AVEN: variants seen among roughly 807,000 people sequenced by gnomAD.
AVEN encodes cell death regulator Aven.
Under a neutral mutation model 38.1 loss-of-function variants are expected in AVEN, and 41 were observed. That is an observed-to-expected ratio of 1.08 (90% confidence interval 0.84 to 1.40). The LOEUF is 1.40. Among genes scored for constraint, AVEN ranks in the 40% most tolerant of loss-of-function variants. The pLI is 0.00. For synonymous variants in AVEN, 206 were observed against 171.8 expected, an observed-to-expected ratio of 1.20 and a Z score of -1.56; for missense variants, 605 against 438.8, an observed-to-expected ratio of 1.38 and a Z score of -3.38.
At chr15:33,980,781 C>A (rs1896103474) in intron 2 of AVEN, among the ~76,000 whole-genome samples, 1 of 152,118 alleles carries the variant, frequency 6.6e-6, no homozygotes, top group African/African-American at 2.4e-5. Flanking sequence ...AACTAGTTCC[C>A]AAATCCCATG....
At chr15:33,914,257 C>T (rs1238411647) in intron 2 of AVEN, among the ~76,000 whole-genome samples, 1 of 151,870 alleles carries the variant, frequency 6.6e-6, no homozygotes, top group Non-Finnish European at 1.5e-5. Context: ...CAGCTAGGAA[C>T]ACACTGAAAA....
At chr15:34,060,584 A>G (rs1191207550) in intron 5 of AVEN, among the ~76,000 whole-genome samples, 1 of 152,214 alleles carries the variant, frequency 6.6e-6, no homozygotes, top group African/African-American at 2.4e-5. Flanking sequence ...AGGGTCATCA[A>G]AAAGATTTTC....
intron 2 of AVEN, among the ~76,000 whole-genome samples, chr15:33,935,719 G>C (rs1894035327): frequency 6.6e-6 from 1 of 152,148 alleles, no homozygotes. Flanking sequence ...GGAAAGTAGA[G>C]ATTGAGGCAG....
chr15:34,025,416 G>C (rs1386409589), intron 1 of AVEN, among the ~76,000 whole-genome samples: 2 of 152,170 alleles, frequency 1.3e-5, no homozygotes, highest in African/African-American at 2.4e-5. Context: ...CCCAGCCACA[G>C]GAACAATCAG....
chr15:33,859,595 C>T lies in AVEN; in HGVS notation n.2730-501G>A, dbSNP rs371505693. 308 of 1,613,934 alleles carry T rather than the reference C, an allele frequency of 1.9e-4. 1 individual carries two copies. In the South Asian group the frequency reaches 2.4e-3, roughly 12 times the overall value. On this transcript the variant is annotated intron_variant and non_coding_transcript_variant, in intron 11 of 11. Coordinates refer to the AVEN transcript ENST00000675287. ...TCTAGTGTTACCTTTTCCACATGTA[C>T]GTGGGAGTGAGAGCAGGAGGTGGCA...
At chr15:34,000,528 A>C (rs1285682501) in intron 2 of AVEN, among the ~76,000 whole-genome samples, 2 of 152,242 alleles carry the variant, frequency 1.3e-5, no homozygotes, top group African/African-American at 2.4e-5. Context: ...TGCACACCTA[A>C]GGAACCAACA....
chr15:33,954,875 T>C (rs1894898978), intron 2 of AVEN, among the ~76,000 whole-genome samples: 1 of 152,160 alleles, frequency 6.6e-6, no homozygotes, highest in Non-Finnish European at 1.5e-5. Flanking sequence ...ATCTGAGTTA[T>C]CAATATCAAC....
At chr15:33,959,808 A>G (rs1275094069) in intron 2 of AVEN, among the ~76,000 whole-genome samples, 2 of 152,260 alleles carry the variant, frequency 1.3e-5, no homozygotes, top group African/African-American at 4.8e-5. Flanking sequence ...AATTTCTACA[A>G]CATGGAATGT....
intron 1 of AVEN, among the ~76,000 whole-genome samples, chr15:34,073,097 G>C (rs1411475214): frequency 6.7e-6 from 1 of 150,076 alleles, no homozygotes; most frequent in Non-Finnish European, 1.5e-5. Flanking sequence ...CTGGAGTGCA[G>C]TGGCACGATC....
At chr15:34,004,674 T>G (rs780256657) in intron 1 of AVEN, among the ~76,000 whole-genome samples, 7 of 152,174 alleles carry the variant, frequency 4.6e-5, no homozygotes, top group Non-Finnish European at 1.0e-4. Flanking sequence ...TGAGGTTTGC[T>G]CCAAAATAGT....
rs562556268 is a variant in AVEN, at chr15:33,962,691, T to G, written c.445+40341A>C. Among the ~76,000 whole-genome samples, 5 of 150,594 alleles carry G rather than the reference T, an allele frequency of 3.3e-5. No individual in the cohort carries two copies. In the East Asian group the frequency reaches 9.8e-4, roughly 29 times the overall value. ...CTGCATAATATCTGTCTGTCTATAA[T>G]TCCCCCCTTATCTTCTGCATAGCAT... On this transcript the variant is annotated intron_variant, in intron 2 of 5. Coordinates refer to ENST00000306730, the MANE Select transcript of AVEN (RefSeq NM_020371.3).
intron 2 of AVEN, among the ~76,000 whole-genome samples, chr15:33,887,529 T>C (rs1289070877): frequency 2.0e-5 from 3 of 152,184 alleles, no homozygotes; most frequent in Non-Finnish European, 4.4e-5. Context: ...ATTCTATTTA[T>C]TAATTTTCAT....
At chr15:34,038,102 C>G (rs1011476617) in intron 1 of AVEN, among the ~76,000 whole-genome samples, 8 of 152,136 alleles carry the variant, frequency 5.3e-5, no homozygotes, top group South Asian at 2.1e-4. Context: ...TATTAAAACT[C>G]AGAACTTGAC....
In AVEN at chr15:33,875,981, G is replaced by C; in HGVS notation, c.460C>G (p.Gln154Glu). The stretch of plus-strand genomic sequence containing the variant: ...TCTTTCTCCTCAGCAAACCGGAACT[G>C]TGAGAATGAGTCCCCTAGGAATAGG... ...LLSSAGDSFSQFRFAEEKEWD... is the reference protein window; with the variant it reads ...LLSSAGDSFSEFRFAEEKEWD... The change falls in exon 3 of 6, where the codon CAG (glutamine) becomes GAG (glutamate). Residue 154 changes from glutamine (Q) to glutamate (E), a missense_variant. Transcript: ENST00000306730. The C allele has an allele frequency of 6.2e-7, 1 of 1,612,700 alleles. No homozygotes were observed. Among genetic ancestry groups the C allele is most frequent in the Non-Finnish European group, 8.5e-7 (1 of 1,179,726 alleles).
chr15:34,036,869 G>C (rs2140785714), intron 1 of AVEN, among the ~76,000 whole-genome samples: 1 of 152,252 alleles, frequency 6.6e-6, no homozygotes, highest in African/African-American at 2.4e-5. Flanking sequence ...CAGCACCTTG[G>C]GAGGCCGAGG....
chr15:33,947,129 T>A (rs1894537967), intron 2 of AVEN, among the ~76,000 whole-genome samples: 1 of 151,954 alleles, frequency 6.6e-6, no homozygotes. Context: ...AACAGGAAGA[T>A]AAAGTAGAGG....
At chr15:33,973,625 TGAGGCCAGGAGTTC>T (rs1175001719) in intron 2 of AVEN, among the ~76,000 whole-genome samples, 1 of 152,166 alleles carries the variant, frequency 6.6e-6, no homozygotes, top group African/African-American at 2.4e-5. Flanking sequence ...GAGGATCGCT[TGAGGCCAGGAGTTC>T]GAGACCCACC....
In AVEN at chr15:33,866,528, ACTGGCTGGTC is replaced by A; in HGVS notation, c.*75_*84del. 1 of 945,250 alleles carries A rather than the reference ACTGGCTGGTC, an allele frequency of 1.1e-6. No individual in the cohort carries two copies. Among genetic ancestry groups the A allele is most frequent in the Non-Finnish European group, 1.7e-6 (1 of 598,666 alleles). 58.6% of individuals were successfully genotyped at this position (945,250 alleles called of 1,614,324 possible). On this transcript the variant is annotated 3_prime_UTR_variant, in exon 6 of 6. Transcript: ENST00000306730. ...ACACTAGCTTGAGACATGCTTGTAA[ACTGGCTGGTC>A]CTGAAGGACAGCCTTATGCCCACCT...
At chr15:33,966,537 C>T (rs761964950) in intron 2 of AVEN, among the ~76,000 whole-genome samples, 3 of 152,110 alleles carry the variant, frequency 2.0e-5, no homozygotes, top group African/African-American at 7.2e-5. Context: ...AATGGGAGCA[C>T]GGTCCTCAGC....
Sources: gnomAD v4.1 joint callset for allele counts (sites outside exome capture counted in the v4.1 genomes callset) on GRCh38, gnomAD v4.1.1 for gene constraint, MANE v1.5 for transcripts, NCBI Gene and HGNC (gene_info 2026-07-23, HGNC 2026-07-21) for gene names.